The following RFC2 variants were observed in gnomAD, a reference collection of about 807,000 sequenced individuals.
The protein encoded by RFC2 is A1 40 kDa subunit.
Under a neutral mutation model 44.8 loss-of-function variants are expected in RFC2, and 34 were observed. The ratio of observed to expected loss-of-function variants is 0.76; its 90% CI spans 0.58 to 1.01. The LOEUF (loss-of-function observed/expected upper bound fraction) is 1.01. Ranked by LOEUF, RFC2 falls within the 50% of genes least tolerant of loss-of-function variation. The pLI, the probability that RFC2 is intolerant of heterozygous loss-of-function variation, is 0.00. For missense variants in RFC2, 400 were observed against 453.6 expected, an observed-to-expected ratio of 0.88 and a Z score of 1.07; for synonymous variants, 177 against 168.9, an observed-to-expected ratio of 1.05 and a Z score of -0.37.
intron 6 of RFC2, among the ~76,000 whole-genome samples, chr7:74,242,492 C>T (rs1450735170): frequency 1.3e-5 from 2 of 152,038 alleles, no homozygotes; most frequent in African/African-American, 4.8e-5. Context: ...AAGTTGATTA[C>T]AATGGGAAAC....
chr7:74,254,366 G>C lies in RFC2; in HGVS notation c.18C>G (p.Val6=). 1 of 1,607,200 alleles carries C rather than the reference G, an allele frequency of 6.2e-7. No homozygotes were observed. The highest frequency in any genetic ancestry group is 8.5e-7 in the Non-Finnish European group (1 of 1,176,794). Residue 6 remains valine, a synonymous_variant, in exon 1 of 11, where the codon GTC becomes GTG. Coordinates refer to ENST00000055077, the MANE Select transcript of RFC2 (RefSeq NM_181471.3). Reference sequence around the variant, plus strand: ...CCTCCACCTCGCCCGCGCCACCACAGACGGCCTCCACCTCCATTCTCGCGC... The same window carrying C: ...CCTCCACCTCGCCCGCGCCACCACACACGGCCTCCACCTCCATTCTCGCGC... MEVEA[V]CGGAGEVEAQ...
rs150851734 is a variant in RFC2 at position 74,254,369 on chromosome 7, G to C, written c.15C>G (p.Ala5=). Residue 5 remains alanine, a synonymous_variant, in exon 1 of 11, where the codon GCC becomes GCG. Transcript: ENST00000055077. Reference sequence around the variant, plus strand: ...CCACCTCGCCCGCGCCACCACAGACGGCCTCCACCTCCATTCTCGCGCCTC... The same window carrying C: ...CCACCTCGCCCGCGCCACCACAGACCGCCTCCACCTCCATTCTCGCGCCTC... The part of the protein sequence containing the change: MEVE[A]VCGGAGEVEA... The C allele has an allele frequency of 1.4e-5, 23 of 1,604,428 alleles. No individual in the cohort carries two copies. Among genetic ancestry groups the C allele is most frequent in the Admixed American group, 6.7e-5 (4 of 59,462 alleles).
intron 6 of RFC2, among the ~76,000 whole-genome samples, chr7:74,241,511 G>A (rs1010390154): frequency 1.3e-5 from 2 of 152,192 alleles, no homozygotes; most frequent in African/African-American, 2.4e-5. Context: ...TGCGCTCGTC[G>A]GCAACAGCGG....
At chr7:74,236,270 C>T (rs1803008871) in intron 9 of RFC2, among the ~76,000 whole-genome samples, 1 of 148,970 alleles carries the variant, frequency 6.7e-6, no homozygotes, top group African/African-American at 2.4e-5. Flanking sequence ...ATTCAGGAGG[C>T]AGAGAAGCTC....
At chr7:74,232,240 T>G in intron 10 of RFC2, 24 bp from the exon 11 acceptor site, 6 of 1,330,364 alleles carry the variant, frequency 4.5e-6, no homozygotes, top group Non-Finnish European at 6.5e-6. Flanking sequence ...CAAATTCAAA[T>G]CTGGTTAATA....
At chr7:74,241,342 T>C (rs1157056613) in intron 6 of RFC2, among the ~76,000 whole-genome samples, 5 of 152,226 alleles carry the variant, frequency 3.3e-5, no homozygotes, top group African/African-American at 1.2e-4. Context: ...GCCTGGCGGC[T>C]ACTAAGAACC....
At position 74,238,909 on chromosome 7, in the gene RFC2, A is replaced by C. The variant is rs782285193; in HGVS notation, c.759+14T>G. ...GGCTTCTGCTGACAGTACCACCCAC[A>C]CTAGCGCTTGTACCTTGAACACGTT... On this transcript the variant is annotated intron_variant, in intron 8 of 10. Coordinates refer to ENST00000055077, the MANE Select transcript of RFC2 (RefSeq NM_181471.3). This position sits in a 1 kb window ranked among gnomAD's most constrained non-coding sequence, Gnocchi z 4.0. 2 of 1,608,554 alleles carry C rather than the reference A, an allele frequency of 1.2e-6. No individual in the cohort carries two copies. The highest frequency in any genetic ancestry group is 1.7e-6 in the Non-Finnish European group (2 of 1,175,022).
At chr7:74,237,185 C>G in intron 9 of RFC2, 177 bp downstream of exon 9, 1 of 507,828 alleles carries the variant, frequency 2.0e-6, no homozygotes, top group Non-Finnish European at 3.7e-6. Context: ...GCAATCACAG[C>G]TCACTGCAGC....
At chr7:74,248,946 G>C (rs144561919) in intron 4 of RFC2, 66 bp downstream of exon 4, 2 of 1,122,914 alleles carry the variant, frequency 1.8e-6, no homozygotes, top group African/African-American at 3.1e-5. Flanking sequence ...GCTGAGAAAG[G>C]TTGTTTCTGT....
At chr7:74,235,824 T>C (rs1802986426) in intron 9 of RFC2, among the ~76,000 whole-genome samples, 179 bp from the exon 10 acceptor site, 1 of 152,032 alleles carries the variant, frequency 6.6e-6, no homozygotes, top group Non-Finnish European at 1.5e-5. Context: ...GCTTAAATAT[T>C]TTTTTTTCAG....
chr7:74,236,864 T>G (rs1297381537), intron 9 of RFC2, among the ~76,000 whole-genome samples: 2 of 152,116 alleles, frequency 1.3e-5, no homozygotes, highest in East Asian at 3.9e-4. Flanking sequence ...GAGGCTGAGG[T>G]GGGAGGATCG....
chr7:74,240,188 A>T, intron 6 of RFC2, 93 bp from the exon 7 acceptor site: 1 of 1,183,510 alleles, frequency 8.4e-7, no homozygotes, highest in Non-Finnish European at 1.2e-6. Context: ...TGCACAATCC[A>T]CACAGCCCCA....
intron 6 of RFC2, among the ~76,000 whole-genome samples, chr7:74,241,697 C>T (rs188286026): frequency 6.6e-5 from 10 of 152,282 alleles, no homozygotes; most frequent in Admixed American, 1.3e-4. Flanking sequence ...TGGTGGCTCA[C>T]GCCTATAATC....
At chr7:74,235,714 C>T in intron 9 of RFC2, 69 bp from the exon 10 acceptor site, 1 of 1,074,028 alleles carries the variant, frequency 9.3e-7, no homozygotes, top group Non-Finnish European at 1.5e-6. Flanking sequence ...TTTTGAGACT[C>T]ACCACAGCTG....
At chr7:74,241,685 C>T (rs1270702379) in intron 6 of RFC2, among the ~76,000 whole-genome samples, 1 of 152,166 alleles carries the variant, frequency 6.6e-6, no homozygotes, top group African/African-American at 2.4e-5. Flanking sequence ...ATGGGCCAGC[C>T]GTGGTGGCTC....
intron 9 of RFC2, 132 bp downstream of exon 9, chr7:74,237,230 C>CA: frequency 1.6e-6 from 1 of 615,230 alleles, no homozygotes; most frequent in South Asian, 2.0e-5. Flanking sequence ...CCTCCTGCCT[C>CA]AGTCTCCCAA....
At chr7:74,236,900 A>G (rs1008924625) in intron 9 of RFC2, among the ~76,000 whole-genome samples, 4 of 152,076 alleles carry the variant, frequency 2.6e-5, no homozygotes, top group Non-Finnish European at 4.4e-5. Flanking sequence ...TAGAGGCTAC[A>G]GTGAGCTGTG....
Position 74,249,005 on chromosome 7 carries a change from G to A in RFC2, c.332+7C>T. The A allele has an allele frequency of 1.2e-6, 2 of 1,605,782 alleles. No homozygotes were observed. The highest frequency in any genetic ancestry group is 4.5e-5 in the East Asian group (2 of 44,822). On this transcript the variant is annotated splice_region_variant and intron_variant, in intron 4 of 10. Coordinates refer to ENST00000055077, the MANE Select transcript of RFC2 (RefSeq NM_181471.3). ...CGCCCCCCTACAGGTCTGACTCTAA[G>A]ACCTACCTGTCATTTGAAGCATTGA...
chr7:74,250,867 C>T (rs1163497503), intron 2 of RFC2, among the ~76,000 whole-genome samples: 4 of 152,152 alleles, frequency 2.6e-5, no homozygotes, highest in Admixed American at 6.6e-5. Context: ...CGGCTCACTG[C>T]AACCTCCGCC....
Sources: allele counts gnomAD v4.1 joint callset (sites outside exome capture counted in the v4.1 genomes callset), GRCh38; gene constraint gnomAD v4.1.1; non-coding constraint Gnocchi (gnomAD v3.1); transcripts MANE v1.5; gene names NCBI Gene and HGNC (gene_info 2026-07-23, HGNC 2026-07-21).